NELL1: variants seen among roughly 807,000 people sequenced by gnomAD.
The protein encoded by NELL1 is protein kinase C-binding protein NELL1.
NELL1 carries 76 observed loss-of-function variants against 107.4 expected under a neutral mutation model. The ratio of observed to expected loss-of-function variants is 0.71; its 90% CI spans 0.59 to 0.86. NELL1 has a LOEUF of 0.86. Ranked by LOEUF, NELL1 falls within the 40% of genes least tolerant of loss-of-function variation. The pLI is 0.00. For synonymous variants in NELL1, 353 were observed against 341.2 expected, an observed-to-expected ratio of 1.03 and a Z score of -0.38; for missense variants, 1,024 against 1,005.5, an observed-to-expected ratio of 1.02 and a Z score of -0.25.
chr11:21,250,081 C>A (rs1283288293), intron 14 of NELL1, among the ~76,000 whole-genome samples: 1 of 152,070 alleles, frequency 6.6e-6, no homozygotes, highest in Non-Finnish European at 1.5e-5. Flanking sequence ...ATATTTTTTA[C>A]TTAGTAACCA....
intron 12 of NELL1, among the ~76,000 whole-genome samples, chr11:21,028,448 G>T (rs1323796892): frequency 6.6e-6 from 1 of 152,152 alleles, no homozygotes; most frequent in Admixed American, 6.6e-5. Flanking sequence ...ACTCCATGCT[G>T]AAGACCTAAA....
intron 12 of NELL1, among the ~76,000 whole-genome samples, chr11:21,041,534 G>A (rs1295901784): frequency 6.6e-6 from 1 of 152,122 alleles, no homozygotes; most frequent in Non-Finnish European, 1.5e-5. Flanking sequence ...TGGAGAAAAT[G>A]TGGTTCCAAG....
intron 16 of NELL1, among the ~76,000 whole-genome samples, chr11:21,535,386 G>T (rs976801746): frequency 6.6e-6 from 1 of 152,102 alleles, no homozygotes; most frequent in Non-Finnish European, 1.5e-5. Flanking sequence ...ATTAGAAAGT[G>T]GGAATTTGAT....
intron 14 of NELL1, among the ~76,000 whole-genome samples, chr11:21,302,685 T>C: frequency 6.6e-6 from 1 of 151,988 alleles, no homozygotes; most frequent in Admixed American, 6.6e-5. Flanking sequence ...ATTTATTAAC[T>C]CATGTGCTGA....
rs569995461 is a variant in NELL1 at position 21,212,704 on chromosome 11, G to A, written c.1427-16628G>A. On this transcript the variant is annotated intron_variant, in intron 13 of 19. Transcript: ENST00000357134. The stretch of plus-strand genomic sequence containing the variant: ...TAGTGCAGCCCATCAGGGAACTGGA[G>A]CTCTACCTCCACCCAGCATTGACAA... 3.3e-5 allele frequency among the ~76,000 whole-genome samples: 5 copies of A among 152,246 alleles called. No individual in the cohort carries two copies. In the East Asian group the frequency reaches 5.8e-4, roughly 18 times the overall value.
chr11:21,200,378 G>C (rs527357843), intron 13 of NELL1, among the ~76,000 whole-genome samples: 1 of 152,150 alleles, frequency 6.6e-6, no homozygotes, highest in Non-Finnish European at 1.5e-5. Flanking sequence ...GTTTTGATTT[G>C]CATTTCTCTA....
chr11:21,252,454 G>GT (rs1202056339), intron 14 of NELL1, among the ~76,000 whole-genome samples: 2 of 152,100 alleles, frequency 1.3e-5, no homozygotes, highest in Non-Finnish European at 2.9e-5. Context: ...TGACACTCCC[G>GT]TTTGACCATG....
chr11:21,305,555 AG>A (rs2133632937), intron 14 of NELL1, among the ~76,000 whole-genome samples: 1 of 152,116 alleles, frequency 6.6e-6, no homozygotes, highest in Non-Finnish European at 1.5e-5. Context: ...ATAAATAGCA[AG>A]TCAAAAGACT....
At chr11:21,125,846 C>T (rs527326631) in intron 13 of NELL1, among the ~76,000 whole-genome samples, 1 of 152,298 alleles carries the variant, frequency 6.6e-6, no homozygotes, top group South Asian at 2.1e-4. Context: ...ATGGAAAGAA[C>T]ACAGGGCTCT....
At chr11:20,694,898 A>G (rs1854574058) in intron 2 of NELL1, among the ~76,000 whole-genome samples, 1 of 152,048 alleles carries the variant, frequency 6.6e-6, no homozygotes, top group African/African-American at 2.4e-5. Context: ...GGTCATTTTA[A>G]TGATAGTGAT....
chr11:21,217,386 G>T (rs1857641713), intron 13 of NELL1, among the ~76,000 whole-genome samples: 1 of 152,244 alleles, frequency 6.6e-6, no homozygotes, highest in Non-Finnish European at 1.5e-5. Context: ...TGAGTGAAAG[G>T]TACATTGGGG....
At chr11:20,797,501 G>A (rs1056178705) in intron 3 of NELL1, among the ~76,000 whole-genome samples, 6 of 143,312 alleles carry the variant, frequency 4.2e-5, no homozygotes, top group Non-Finnish European at 9.0e-5. Context: ...GGGAGGTGGA[G>A]CTTGCAGTGA....
chr11:21,130,672 A>C (rs1398491876), intron 13 of NELL1, among the ~76,000 whole-genome samples: 1 of 152,216 alleles, frequency 6.6e-6, no homozygotes, highest in Non-Finnish European at 1.5e-5. Flanking sequence ...AATTCAGATA[A>C]GAAAAGAATA....
chr11:20,768,343 A>G lies in NELL1; in HGVS notation c.185-15337A>G, dbSNP rs561405288. Among the ~76,000 whole-genome samples the G allele has an allele frequency of 8.5e-5, 13 of 152,358 alleles. No homozygotes were observed. The South Asian group carries it at 2.5e-3, about 29-fold the overall frequency. On this transcript the variant is annotated intron_variant, in intron 2 of 19. Transcript: ENST00000357134. ...AGCCAGCCAAAAGGCCCCTTGGATCAAACAAGTTTAAAGGGCACAAGGATG... is the reference window on the plus strand; with the variant it reads ...AGCCAGCCAAAAGGCCCCTTGGATCGAACAAGTTTAAAGGGCACAAGGATG...
intron 2 of NELL1, among the ~76,000 whole-genome samples, chr11:20,700,595 G>T (rs935992695): frequency 1.3e-5 from 2 of 151,982 alleles, no homozygotes; most frequent in Non-Finnish European, 2.9e-5. Flanking sequence ...TGCCATGTTG[G>T]TGTGCGGCAC....
chr11:21,479,545 G>T (rs552126858), intron 15 of NELL1, among the ~76,000 whole-genome samples: 3 of 152,218 alleles, frequency 2.0e-5, no homozygotes, highest in South Asian at 2.1e-4. Flanking sequence ...GCTGGGAAAG[G>T]TAGTGGGTAG....
chr11:20,738,481 T>G (rs1237997348), intron 2 of NELL1, among the ~76,000 whole-genome samples: 3 of 152,180 alleles, frequency 2.0e-5, no homozygotes. Flanking sequence ...TGGGAGAGAC[T>G]GGTTTGAGCT....
intron 12 of NELL1, among the ~76,000 whole-genome samples, chr11:20,972,952 A>G (rs1219116044): frequency 6.6e-6 from 1 of 152,058 alleles, no homozygotes; most frequent in East Asian, 1.9e-4. Context: ...AGTAGATTGG[A>G]TATTGTATGA....
intron 14 of NELL1, among the ~76,000 whole-genome samples, chr11:21,321,310 A>T (rs1173054788): frequency 1.3e-5 from 2 of 151,942 alleles, no homozygotes; most frequent in Admixed American, 1.3e-4. Context: ...GAAGAGGGAA[A>T]GATCATGGCC....
Sources: allele counts gnomAD v4.1 joint callset (sites outside exome capture counted in the v4.1 genomes callset), GRCh38; gene constraint gnomAD v4.1.1; transcripts MANE v1.5; gene names NCBI Gene and HGNC (gene_info 2026-07-23, HGNC 2026-07-21).